Variants in EPSTI1 observed in about 807,000 individuals in gnomAD.
The protein encoded by EPSTI1 is epithelial-stromal interaction protein 1.
Under a neutral mutation model 49.9 loss-of-function variants are expected in EPSTI1, and 66 were observed. The observed-to-expected ratio is 1.32, with a 90% CI of 1.08 to 1.62. The LOEUF is 1.62. EPSTI1 is among the 40% of genes most tolerant of loss of function. The probability of loss-of-function intolerance (pLI) is 0.00; values close to 1 mark genes in which losing one functional copy is unlikely to be tolerated. For missense variants in EPSTI1, 394 were observed against 365.5 expected, an observed-to-expected ratio of 1.08 and a Z score of -0.64; for synonymous variants, 137 against 130.7, an observed-to-expected ratio of 1.05 and a Z score of -0.33.
At chr13:42,935,274 T>G (rs1169570798) in intron 6 of EPSTI1, among the ~76,000 whole-genome samples, 1 of 152,242 alleles carries the variant, frequency 6.6e-6, no homozygotes, top group Non-Finnish European at 1.5e-5. Flanking sequence ...CCATCTATTT[T>G]AATTCTTGCG....
chr13:42,927,012 C>G (rs112973759), intron 6 of EPSTI1, among the ~76,000 whole-genome samples: 2 of 151,618 alleles, frequency 1.3e-5, no homozygotes, highest in Non-Finnish European at 2.9e-5. Context: ...CACACACACA[C>G]ACACACACAC....
At chr13:42,906,324 G>C (rs1255597832) in intron 8 of EPSTI1, among the ~76,000 whole-genome samples, 1 of 152,234 alleles carries the variant, frequency 6.6e-6, no homozygotes, top group African/African-American at 2.4e-5. Flanking sequence ...GACAAGGTTA[G>C]AGGGAAAACA....
intron 7 of EPSTI1, chr13:42,919,329 G>A (rs765553948): frequency 6.2e-7 from 1 of 1,613,438 alleles, no homozygotes; most frequent in South Asian, 1.1e-5. Context: ...AGGATAGGAA[G>A]TTTCTGTTCA....
At chr13:42,950,018 G>T (rs2039048089) in intron 6 of EPSTI1, among the ~76,000 whole-genome samples, 2 of 152,046 alleles carry the variant, frequency 1.3e-5, no homozygotes, top group Admixed American at 1.3e-4. Context: ...CCACCCAAAG[G>T]TATCACACAT....
At chr13:42,966,743 C>T (rs1456091335) in intron 3 of EPSTI1, among the ~76,000 whole-genome samples, 3 of 87,996 alleles carry the variant, frequency 3.4e-5, no homozygotes, top group Non-Finnish European at 2.6e-5. Flanking sequence ...AGGTGAGGGG[C>T]GCCTCCGCCC....
chr13:42,958,165 T>C (rs2039331490), intron 5 of EPSTI1, among the ~76,000 whole-genome samples: 1 of 151,874 alleles, frequency 6.6e-6, no homozygotes, highest in Non-Finnish European at 1.5e-5. Context: ...CACCAACAAA[T>C]GAGGAATCAG....
chr13:42,894,768 C>CA (rs1248930809), intron 10 of EPSTI1, among the ~76,000 whole-genome samples: 2 of 150,588 alleles, frequency 1.3e-5, no homozygotes, highest in Admixed American at 1.3e-4. Flanking sequence ...ATGCTGAGAA[C>CA]AAAGGGCAGG....
At chr13:42,953,826 T>C in intron 6 of EPSTI1, 122 bp downstream of exon 6, 4 of 719,092 alleles carry the variant, frequency 5.6e-6, no homozygotes, top group Non-Finnish European at 9.0e-6. Flanking sequence ...TTCAATTACA[T>C]AATTAATACA....
chr13:42,926,367 C>G lies in EPSTI1; in HGVS notation c.626G>C (p.Ser209Thr), dbSNP rs763631037. 1 of 1,613,262 alleles carries G rather than the reference C, an allele frequency of 6.2e-7. No individual in the cohort carries two copies. The highest frequency in any genetic ancestry group is 8.5e-7 in the Non-Finnish European group (1 of 1,179,292). Residue 209 changes from serine to threonine, a missense_variant, in exon 7 of 11, where the codon AGT becomes ACT. Transcript: ENST00000313624. ...TESPDRSACQSAVCGPQSSTW... is the reference protein window; with the variant it reads ...TESPDRSACQTAVCGPQSSTW... ...TGAGGATTGTGGGCCACAAACAGCA[C>G]TTTGACAGGCACTTCTGTCTGGCGA...
intron 5 of EPSTI1, 46 bp from the exon 6 acceptor site, chr13:42,954,067 G>A: frequency 1.3e-6 from 2 of 1,530,076 alleles, no homozygotes; most frequent in Non-Finnish European, 1.8e-6. Flanking sequence ...GATGCTTTAA[G>A]CAGAGTCATG....
At chr13:42,939,726 T>C (rs779354427) in intron 6 of EPSTI1, among the ~76,000 whole-genome samples, 14 of 152,174 alleles carry the variant, frequency 9.2e-5, no homozygotes, top group Admixed American at 7.2e-4. Context: ...GTCTGAAATA[T>C]TGTACAGATT....
In EPSTI1 at chr13:42,922,246, C is replaced by T. The variant is rs1040040026; in HGVS notation, c.657+4090G>A. 6.6e-6 allele frequency among the ~76,000 whole-genome samples: 1 copy of T among 152,132 alleles called. No homozygotes were observed. The highest frequency in any genetic ancestry group is 1.5e-5 in the Non-Finnish European group (1 of 68,026). On this transcript the variant is annotated intron_variant, in intron 7 of 10. Transcript: ENST00000313624. The surrounding 1 kb of genome is among the most constrained non-coding windows in gnomAD (Gnocchi z 4.8). ...AAACAGGTGGTGGGTTGCATAATGG[C>T]CCCCCAAAGACGTCCCAATCCCTGG...
chr13:42,932,834 T>C (rs970362065), intron 6 of EPSTI1, among the ~76,000 whole-genome samples: 1 of 152,226 alleles, frequency 6.6e-6, no homozygotes, highest in African/African-American at 2.4e-5. Context: ...CTGATCATCA[T>C]GTACCCTCTG....
chr13:42,909,287 C>T (rs2037595854), intron 8 of EPSTI1, among the ~76,000 whole-genome samples: 1 of 152,050 alleles, frequency 6.6e-6, no homozygotes, highest in African/African-American at 2.4e-5. Flanking sequence ...CAAAAGATAA[C>T]AAGCGATGGC....
At chr13:42,991,753 C>T (rs1268152301) in intron 1 of EPSTI1, among the ~76,000 whole-genome samples, 1 of 152,222 alleles carries the variant, frequency 6.6e-6, no homozygotes, top group Non-Finnish European at 1.5e-5. Context: ...AAGTAGTATT[C>T]CTGGAAGGAA....
intron 1 of EPSTI1, among the ~76,000 whole-genome samples, chr13:42,983,173 G>C (rs758295908): frequency 1.1e-4 from 16 of 152,168 alleles, no homozygotes; most frequent in Non-Finnish European, 1.9e-4. Context: ...GGTAAGGAAA[G>C]AAATCTTCCC....
At chr13:42,928,960 T>C (rs1403675386) in intron 6 of EPSTI1, among the ~76,000 whole-genome samples, 1 of 152,216 alleles carries the variant, frequency 6.6e-6, no homozygotes, top group Non-Finnish European at 1.5e-5. Context: ...TTGAAGGTGG[T>C]GGAGTCTCTA....
intron 10 of EPSTI1, among the ~76,000 whole-genome samples, chr13:42,890,306 T>TTTTTC (rs2036996589): frequency 9.5e-6 from 1 of 104,880 alleles, no homozygotes; most frequent in Non-Finnish European, 2.1e-5. Flanking sequence ...CTTTTTTTTT[T>TTTTTC]TTTTTTTTTG....
In EPSTI1 at chr13:42,965,715, C is replaced by G. The variant is rs1357774275; in HGVS notation, c.332-1576G>C. On this transcript the variant is annotated intron_variant, in intron 3 of 10. Coordinates refer to ENST00000313624, the MANE Select transcript of EPSTI1 (RefSeq NM_033255.5). The stretch of plus-strand genomic sequence containing the variant: ...TCTCCCTCTCCCTCTCCCTCTCCCT[C>G]TCCCTCTCCCTCTCCCTCGTCTCCC... Among the ~76,000 whole-genome samples the G allele has an allele frequency of 3.1e-4, 2 of 6,376 alleles. 1 individual carries two copies. Among genetic ancestry groups the G allele is most frequent in the African/African-American group, 7.6e-4 (2 of 2,636 alleles). 4.2% of individuals were successfully genotyped at this position (6,376 alleles called of 152,430 possible).
Sources: gnomAD v4.1 joint callset for allele counts (sites outside exome capture counted in the v4.1 genomes callset) on GRCh38, gnomAD v4.1.1 for gene constraint, Gnocchi (gnomAD v3.1) non-coding constraint, MANE v1.5 for transcripts, NCBI Gene and HGNC (gene_info 2026-07-23, HGNC 2026-07-21) for gene names.